ITGB3: variants seen among roughly 807,000 people sequenced by gnomAD.
ITGB3 encodes the protein integrin beta-3.
A neutral mutation model predicts 85.8 loss-of-function variants in ITGB3; 48 were observed. The ratio of observed to expected loss-of-function variants is 0.56; its 90% confidence interval spans 0.44 to 0.71. The LOEUF (loss-of-function observed/expected upper bound fraction) is 0.71. Among genes scored for constraint, ITGB3 ranks in the 30% least tolerant of loss-of-function variants. The pLI, the probability that ITGB3 is intolerant of heterozygous loss-of-function variation, is 0.00. For synonymous variants in ITGB3, 363 were observed against 395.6 expected, an observed-to-expected ratio of 0.92 and a Z score of 0.98; for missense variants, 861 against 1,019.1, an observed-to-expected ratio of 0.84 and a Z score of 2.11.
intron 1 of ITGB3, among the ~76,000 whole-genome samples, chr17:47,264,329 C>A (rs1032989663): frequency 1.3e-5 from 2 of 152,314 alleles, no homozygotes; most frequent in Non-Finnish European, 1.5e-5. Context: ...TTTGTTCACA[C>A]CCTCATGCCC....
Position 47,289,120 on chromosome 17 carries a change from C to T in ITGB3, c.940-561C>T, listed in dbSNP as rs375260452. ...ACCACACGGTGGAGGATCACGAGGG[C>T]CAGGCCAAGGCATTTGTCAGTAGTT... On this transcript the variant is annotated intron_variant, in intron 6 of 14. Coordinates refer to ENST00000559488, the MANE Select transcript of ITGB3 (RefSeq NM_000212.3). Among the ~76,000 whole-genome samples the T allele has an allele frequency of 7.2e-4, 110 of 152,242 alleles. 1 individual carries two copies. The South Asian group carries it at 0.022, about 30-fold the overall frequency.
Position 47,263,099 on chromosome 17 carries a change from G to T in ITGB3, c.79+9159G>T, listed in dbSNP as rs114203331. Among the ~76,000 whole-genome samples the T allele has an allele frequency of 2.9e-3, 448 of 152,258 alleles. 1 individual carries two copies. The highest frequency in any genetic ancestry group is 0.01 in the African/African-American group (428 of 41,552). On this transcript the variant is annotated intron_variant, in intron 1 of 14. Coordinates refer to ENST00000559488, the MANE Select transcript of ITGB3 (RefSeq NM_000212.3). ...TGAAGGGATGTACTTGAGGTCATAC[G>T]GCCAGAGGAAGGGCAAAGATGGCTT...
chr17:47,267,537 AG>A (rs1320684240), intron 1 of ITGB3, among the ~76,000 whole-genome samples: 2 of 152,202 alleles, frequency 1.3e-5, no homozygotes, highest in Non-Finnish European at 2.9e-5. Context: ...CCTGGGTAGC[AG>A]GACTTGGTTG....
At position 47,289,753 on chromosome 17, in the gene ITGB3, G is replaced by A. The variant is rs2143105908; in HGVS notation, c.1012G>A (p.Glu338Lys). ...KNINLIFAVTENVVNLYQNYS... is the reference protein window; with the variant it reads ...KNINLIFAVTKNVVNLYQNYS... Reference sequence around the variant, plus strand: ...CATCAATTTGATCTTTGCAGTGACTGAAAATGTAGTCAATCTCTATCAGGT... The same window carrying A: ...CATCAATTTGATCTTTGCAGTGACTAAAAATGTAGTCAATCTCTATCAGGT... The change falls in exon 7 of 15, where the codon GAA (glutamate) becomes AAA (lysine). Residue 338 changes from glutamate (E) to lysine (K), a missense_variant. By Grantham distance (56) the Glu-to-Lys change is moderately conservative. Transcript: ENST00000559488. 6.2e-7 allele frequency: 1 copy of A among 1,613,812 alleles called. No homozygotes were observed. The highest frequency in any genetic ancestry group is 1.6e-4 in the Middle Eastern group (1 of 6,062).
intron 14 of ITGB3, 82 bp downstream of exon 14, chr17:47,307,719 G>C: frequency 7.7e-7 from 1 of 1,306,408 alleles, no homozygotes; most frequent in Non-Finnish European, 1.1e-6. Flanking sequence ...GGGTGGTCAT[G>C]TTCAGCCAGT....
intron 1 of ITGB3, among the ~76,000 whole-genome samples, chr17:47,257,019 C>T (rs1158767155): frequency 1.3e-5 from 2 of 152,158 alleles, no homozygotes; most frequent in Non-Finnish European, 2.9e-5. Context: ...AATAAGTTAC[C>T]TAATCTCTTG....
At chr17:47,272,422 G>C (rs1159560229) in intron 1 of ITGB3, among the ~76,000 whole-genome samples, 1 of 151,804 alleles carries the variant, frequency 6.6e-6, no homozygotes, top group Non-Finnish European at 1.5e-5. Flanking sequence ...TTGAGACAGA[G>C]TCTCGCACTA....
intron 13 of ITGB3, among the ~76,000 whole-genome samples, chr17:47,306,389 C>A (rs2065188074): frequency 6.6e-6 from 1 of 152,208 alleles, no homozygotes; most frequent in Non-Finnish European, 1.5e-5. Flanking sequence ...ATCCTCCCAC[C>A]TCAGCATCCT....
chr17:47,302,093 C>A (rs930501099), intron 12 of ITGB3, among the ~76,000 whole-genome samples: 1 of 152,056 alleles, frequency 6.6e-6, no homozygotes, highest in Non-Finnish European at 1.5e-5. Context: ...TGGAGGGTAA[C>A]CCCTAGTATC....
chr17:47,277,042 G>A (rs2065066408), intron 2 of ITGB3, among the ~76,000 whole-genome samples: 1 of 152,122 alleles, frequency 6.6e-6, no homozygotes, highest in Admixed American at 6.5e-5. Context: ...GCTTGGCTGG[G>A]TAAGAGGAAA....
At chr17:47,272,964 G>A (rs1296135987) in intron 1 of ITGB3, among the ~76,000 whole-genome samples, 1 of 152,034 alleles carries the variant, frequency 6.6e-6, no homozygotes, top group Non-Finnish European at 1.5e-5. Context: ...TAGCAGAGAT[G>A]GAGTTTCACC....
At chr17:47,271,183 G>A (rs1293674237) in intron 1 of ITGB3, among the ~76,000 whole-genome samples, 1 of 152,132 alleles carries the variant, frequency 6.6e-6, no homozygotes, top group African/African-American at 2.4e-5. Flanking sequence ...AGGCTGAGAG[G>A]AGTTAAATGA....
chr17:47,304,446 T>C (rs1230382577), intron 13 of ITGB3, among the ~76,000 whole-genome samples: 2 of 152,246 alleles, frequency 1.3e-5, no homozygotes, highest in African/African-American at 4.8e-5. Flanking sequence ...CCACATGGAA[T>C]GGGCTCTTGA....
At chr17:47,294,596 G>A (rs1430016550) in intron 10 of ITGB3, among the ~76,000 whole-genome samples, 1 of 152,206 alleles carries the variant, frequency 6.6e-6, no homozygotes, top group Admixed American at 6.5e-5. Context: ...CCTCTACCAT[G>A]TCTTGCTAGG....
intron 1 of ITGB3, among the ~76,000 whole-genome samples, chr17:47,259,009 G>A (rs1283777549): frequency 6.6e-6 from 1 of 152,188 alleles, no homozygotes; most frequent in East Asian, 1.9e-4. Flanking sequence ...TGAAAGCAGT[G>A]GGACTGGATC....
chr17:47,276,137 G>A (rs1318827356), intron 2 of ITGB3, among the ~76,000 whole-genome samples: 2 of 152,154 alleles, frequency 1.3e-5, no homozygotes, highest in Non-Finnish European at 2.9e-5. Context: ...CTCAAAGGGT[G>A]CTTCCCCCTT....
At position 47,282,476 on chromosome 17, in the gene ITGB3, T is replaced by C. The variant is rs184699827; in HGVS notation, c.166-878T>C. 7.0e-3 allele frequency among the ~76,000 whole-genome samples: 1,059 copies of C among 152,324 alleles called. 15 individuals carry two copies. The highest frequency in any genetic ancestry group is 0.023 in the African/African-American group (967 of 41,568). On this transcript the variant is annotated intron_variant, in intron 2 of 14. Transcript: ENST00000559488. ...TTAAGTACTGAAGGAGGGACTGTTA[T>C]TATGTTCGTGTTACAGCTGAGGAAA...
chr17:47,259,141 A>G (rs16941751), intron 1 of ITGB3, among the ~76,000 whole-genome samples: 3,837 of 152,320 alleles, frequency 0.025, 136 homozygotes, highest in East Asian at 0.19. Context: ...ACTTCAGGAT[A>G]CTAGAGAGGA....
intron 1 of ITGB3, among the ~76,000 whole-genome samples, chr17:47,266,105 A>G (rs1377573734): frequency 1.3e-5 from 2 of 152,128 alleles, no homozygotes; most frequent in African/African-American, 4.8e-5. Context: ...TTCATGAGTC[A>G]CATGGCCAGG....
Sources: gnomAD v4.1 joint callset for allele counts (sites outside exome capture counted in the v4.1 genomes callset) on GRCh38, gnomAD v4.1.1 for gene constraint, MANE v1.5 for transcripts, NCBI Gene and HGNC (gene_info 2026-07-23, HGNC 2026-07-21) for gene names.